Variants in IL15 observed in about 807,000 individuals in gnomAD.
IL15 encodes interleukin 15, also known as interleukin-15.
A neutral mutation model predicts 19.6 loss-of-function variants in IL15; 11 were observed. The observed-to-expected ratio is 0.56, with a 90% CI of 0.35 to 0.93. The LOEUF is 0.93. Among genes scored for constraint, IL15 ranks in the 40% least tolerant of loss-of-function variants. The pLI is 0.01. For missense variants in IL15, 197 were observed against 186.5 expected, an observed-to-expected ratio of 1.06 and a Z score of -0.33; for synonymous variants, 58 against 59.6, an observed-to-expected ratio of 0.97 and a Z score of 0.12.
chr4:141,642,507 G>A (rs991006764), intron 1 of IL15, among the ~76,000 whole-genome samples: 1 of 152,190 alleles, frequency 6.6e-6, no homozygotes, highest in African/African-American at 2.4e-5. Flanking sequence ...TTAAAGCAAA[G>A]TACAGGGAGT....
At chr4:141,663,321 A>G (rs1727853745) in intron 2 of IL15, among the ~76,000 whole-genome samples, 1 of 152,228 alleles carries the variant, frequency 6.6e-6, no homozygotes, top group South Asian at 2.1e-4. Context: ...TTTCTTCCCC[A>G]TTATAAAGGT....
chr4:141,692,830 C>T (rs1198206372), intron 2 of IL15, among the ~76,000 whole-genome samples: 11 of 151,768 alleles, frequency 7.2e-5, no homozygotes, highest in Admixed American at 7.2e-4. Context: ...TCTGAGCCTC[C>T]AAACTGTTCC....
chr4:141,702,693 A>T (rs2152182438), intron 2 of IL15, among the ~76,000 whole-genome samples: 1 of 152,356 alleles, frequency 6.6e-6, no homozygotes, highest in East Asian at 1.9e-4. Context: ...GCTGGCCTCC[A>T]GCCAGGAGGT....
chr4:141,674,820 A>G (rs1057176391), intron 2 of IL15, among the ~76,000 whole-genome samples: 2 of 152,174 alleles, frequency 1.3e-5, no homozygotes, highest in Non-Finnish European at 2.9e-5. Context: ...TACCCTATGT[A>G]TTAGTTTTCT....
At position 141,706,778 on chromosome 4, in the gene IL15, T is replaced by G. The variant is rs545319150; in HGVS notation, c.-99-12588T>G. Among the ~76,000 whole-genome samples, 150 of 152,196 alleles carry G rather than the reference T, an allele frequency of 9.9e-4. 1 individual carries two copies. The highest frequency in any genetic ancestry group is 3.4e-3 in the African/African-American group (142 of 41,552). On this transcript the variant is annotated intron_variant, in intron 2 of 7. Coordinates refer to ENST00000320650, the MANE Select transcript of IL15 (RefSeq NM_000585.5). ...TCTCCTAGTCTGCTGAAAAATCTGA[T>G]AGTCTAATAGAGATCCTTTTGTATG...
chr4:141,648,599 T>C (rs1727304984), intron 1 of IL15, among the ~76,000 whole-genome samples: 1 of 152,070 alleles, frequency 6.6e-6, no homozygotes, highest in Non-Finnish European at 1.5e-5. Context: ...GTTTCTTCTC[T>C]TGTTATGCTG....
chr4:141,640,928 T>G (rs1727020192), intron 1 of IL15, among the ~76,000 whole-genome samples: 1 of 152,164 alleles, frequency 6.6e-6, no homozygotes, highest in Admixed American at 6.5e-5. Context: ...CAGGAAAATA[T>G]GATGGTTGTA....
At chr4:141,646,590 T>C (rs1270196211) in intron 1 of IL15, among the ~76,000 whole-genome samples, 1 of 152,058 alleles carries the variant, frequency 6.6e-6, no homozygotes, top group Non-Finnish European at 1.5e-5. Context: ...TTTTTCAGAT[T>C]TTGGAAAGTA....
intron 5 of IL15, 129 bp from the exon 6 acceptor site, chr4:141,727,811 C>T: frequency 1.6e-6 from 1 of 617,290 alleles, no homozygotes; most frequent in Non-Finnish European, 2.8e-6. Context: ...CTTACAGTTT[C>T]ATATGAATTT....
intron 1 of IL15, among the ~76,000 whole-genome samples, chr4:141,655,858 C>T (rs1727573957): frequency 6.6e-6 from 1 of 152,068 alleles, no homozygotes; most frequent in Admixed American, 6.6e-5. Context: ...ATCATGTGTG[C>T]TTTGTGATAT....
At chr4:141,709,053 ATT>A (rs1729621251) in intron 2 of IL15, among the ~76,000 whole-genome samples, 1 of 98,210 alleles carries the variant, frequency 1.0e-5, no homozygotes, top group African/African-American at 3.8e-5. Context: ...AATATTGAAA[ATT>A]TTCAATATTA....
At chr4:141,636,874 C>T (rs1726873060) in intron 1 of IL15, 126 bp downstream of exon 1, 1 of 152,496 alleles carries the variant, frequency 6.6e-6, no homozygotes, top group African/African-American at 2.4e-5. Context: ...GTCTATCCTA[C>T]TGGCCGAGCT....
chr4:141,683,702 A>G (rs1287332002), intron 2 of IL15, among the ~76,000 whole-genome samples: 2 of 152,160 alleles, frequency 1.3e-5, no homozygotes, highest in Admixed American at 6.5e-5. Flanking sequence ...TATCTTGTCC[A>G]TATATTAGGA....
Position 141,732,778 on chromosome 4 carries a change from A to T in IL15, c.419A>T (p.Glu140Val). ...GGATGCAAAGAATGTGAGGAACTGG[A>T]GGAAAAAAATATTAAAGAATTTTTG... ...ESGCKECEEL[E>V]EKNIKEFLQS... Residue 140 changes from glutamate (E) to valine (V), a missense_variant, in exon 8 of 8, where the codon GAG (glutamate) becomes GTG (valine). By Grantham distance (121) the Glu-to-Val change is moderately radical. Coordinates refer to ENST00000320650, the MANE Select transcript of IL15 (RefSeq NM_000585.5). 1 of 1,613,042 alleles carries T rather than the reference A, an allele frequency of 6.2e-7. No homozygotes were observed. The highest frequency in any genetic ancestry group is 8.5e-7 in the Non-Finnish European group (1 of 1,179,630).
intron 5 of IL15, among the ~76,000 whole-genome samples, chr4:141,724,877 G>A (rs989841547): frequency 6.6e-6 from 1 of 152,074 alleles, no homozygotes; most frequent in African/African-American, 2.4e-5. Flanking sequence ...ATTTACAGAA[G>A]CATTAACAAC....
chr4:141,680,337 A>T (rs1728492344), intron 2 of IL15, among the ~76,000 whole-genome samples: 1 of 152,222 alleles, frequency 6.6e-6, no homozygotes, highest in South Asian at 2.1e-4. Flanking sequence ...CGTGTCCAGA[A>T]GTGAGCTATC....
rs1409522871 is a variant in IL15 at position 141,719,854 on chromosome 4, A to G, written c.12+378A>G. Among the ~76,000 whole-genome samples the G allele has an allele frequency of 3.9e-5, 6 of 152,142 alleles. No individual in the cohort carries two copies. In the East Asian group the frequency reaches 1.2e-3, roughly 29 times the overall value. On this transcript the variant is annotated intron_variant, in intron 3 of 7. Coordinates refer to ENST00000320650, the MANE Select transcript of IL15 (RefSeq NM_000585.5). ...GTTAACACTGCTTTCTGAAACTTTA[A>G]AAGCTTCGACAACACAAAAGAGGCA...
chr4:141,664,543 T>C lies in IL15; in HGVS notation c.-100+8236T>C, dbSNP rs112718759. 1.2e-3 allele frequency among the ~76,000 whole-genome samples: 181 copies of C among 152,280 alleles called. 1 individual carries two copies. Among genetic ancestry groups the C allele is most frequent in the African/African-American group, 4.1e-3 (172 of 41,562 alleles). On this transcript the variant is annotated intron_variant, in intron 2 of 7. Coordinates refer to ENST00000320650, the MANE Select transcript of IL15 (RefSeq NM_000585.5). Reference sequence around the variant, plus strand: ...TGGGGAAGTACAAGCTATAGAGCTGTTGGCAAAGAACATAAATGAACAGTT... The same window carrying C: ...TGGGGAAGTACAAGCTATAGAGCTGCTGGCAAAGAACATAAATGAACAGTT...
At chr4:141,651,178 C>T (rs2152155934) in intron 1 of IL15, among the ~76,000 whole-genome samples, 1 of 151,810 alleles carries the variant, frequency 6.6e-6, no homozygotes. Flanking sequence ...TATATATACA[C>T]ACACACCATC....
Sources: allele counts gnomAD v4.1 joint callset (sites outside exome capture counted in the v4.1 genomes callset), GRCh38; gene constraint gnomAD v4.1.1; transcripts MANE v1.5; gene names NCBI Gene and HGNC (gene_info 2026-07-23, HGNC 2026-07-21).